VTI1B: variants seen among roughly 807,000 people sequenced by gnomAD.
The protein encoded by VTI1B is vesicle transport through interaction with t-SNAREs 1B.
VTI1B carries 18 observed loss-of-function variants against 28.6 expected under a neutral mutation model. The observed-to-expected ratio is 0.63, with a 90% CI of 0.43 to 0.93. The LOEUF (loss-of-function observed/expected upper bound fraction) is 0.93, where lower values mean the gene tolerates loss of function less well. VTI1B is among the 40% of genes least tolerant of loss of function. VTI1B has a pLI of 0.00. For synonymous variants in VTI1B, 100 were observed against 107.9 expected, an observed-to-expected ratio of 0.93 and a Z score of 0.46; for missense variants, 283 against 297.0, an observed-to-expected ratio of 0.95 and a Z score of 0.35.
chr14:67,648,427 CAATTA>C lies in VTI1B; in HGVS notation c.*2953_*2957del, dbSNP rs1342827934. 2 of 335,352 alleles carry C rather than the reference CAATTA, an allele frequency of 6.0e-6. No homozygotes were observed. The highest frequency in any genetic ancestry group is 1.1e-5 in the Non-Finnish European group (2 of 186,090). 20.8% of individuals were successfully genotyped at this position (335,352 alleles called of 1,614,324 possible). A position where few individuals can be genotyped will look rare whatever the true frequency, so the allele number is the denominator to read the frequency against. Reference sequence around the variant, plus strand: ...ATGAGTAAAAAATTGTATATTTAAACAATTAAATACAAGAATAAATTGTCAAACTG... The same window carrying C: ...ATGAGTAAAAAATTGTATATTTAAACAATACAAGAATAAATTGTCAAACTG... On this transcript the variant is annotated 3_prime_UTR_variant, in exon 6 of 6. Coordinates refer to ENST00000554659, the MANE Select transcript of VTI1B (RefSeq NM_006370.3).
intron 1 of VTI1B, among the ~76,000 whole-genome samples, chr14:67,671,494 C>G (rs1031323669): frequency 1.3e-5 from 2 of 151,908 alleles, no homozygotes; most frequent in African/African-American, 2.4e-5. Flanking sequence ...CCACTGCACT[C>G]CAGCCTGGGC....
intron 3 of VTI1B, chr14:67,657,080 T>C (rs764322815): frequency 6.6e-6 from 1 of 152,470 alleles, no homozygotes; most frequent in Non-Finnish European, 1.5e-5. Flanking sequence ...GGACCATGAA[T>C]AAGCTATTCT....
At chr14:67,669,436 C>CTT (rs562106281) in intron 1 of VTI1B, among the ~76,000 whole-genome samples, 86 of 144,738 alleles carry the variant, frequency 5.9e-4, no homozygotes, top group African/African-American at 1.7e-3. Context: ...CACTACTCAG[C>CTT]TTTTTTTTTT....
In VTI1B at chr14:67,650,947, C is replaced by T. The variant is rs1268794524; in HGVS notation, c.*438G>A. On this transcript the variant is annotated 3_prime_UTR_variant, in exon 6 of 6. Transcript: ENST00000554659. ...AGACACTGTGCACTGACATGTTTCA[C>T]AACAGGCATTCCAGAATTATGAGGC... 2.5e-6 allele frequency: 4 copies of T among 1,603,082 alleles called. No homozygotes were observed. The highest frequency in any genetic ancestry group is 2.2e-5 in the South Asian group (2 of 90,668).
At chr14:67,665,483 G>C (rs1049082526) in intron 1 of VTI1B, among the ~76,000 whole-genome samples, 4 of 151,782 alleles carry the variant, frequency 2.6e-5, no homozygotes. Context: ...TGCCTAAGCT[G>C]GTCTTGACTC....
At position 67,651,262 on chromosome 14, in the gene VTI1B, G is replaced by T; in HGVS notation, c.*123C>A. On this transcript the variant is annotated 3_prime_UTR_variant, in exon 6 of 6. Coordinates refer to ENST00000554659, the MANE Select transcript of VTI1B (RefSeq NM_006370.3). ...TCTTTCCTCCCTCCTCCCACAGCCT[G>T]GCTATACAGTGCATCCTTGAACTGT... The T allele has an allele frequency of 6.4e-7, 1 of 1,568,708 alleles. No homozygotes were observed. The highest frequency in any genetic ancestry group is 8.6e-7 in the Non-Finnish European group (1 of 1,158,204).
chr14:67,648,220 T>A lies in VTI1B; in HGVS notation c.*3165A>T. 3 of 1,590,264 alleles carry A rather than the reference T, an allele frequency of 1.9e-6. No individual in the cohort carries two copies. Among genetic ancestry groups the A allele is most frequent in the Non-Finnish European group, 2.6e-6 (3 of 1,163,854 alleles). On this transcript the variant is annotated 3_prime_UTR_variant, in exon 6 of 6. Coordinates refer to ENST00000554659, the MANE Select transcript of VTI1B (RefSeq NM_006370.3). ...CCAGGTCTGCAGCCTGTTAACTACATAGGTAAATATGCTAGAGTCTCTTGC... is the reference window on the plus strand; with the variant it reads ...CCAGGTCTGCAGCCTGTTAACTACAAAGGTAAATATGCTAGAGTCTCTTGC...
chr14:67,668,442 A>T (rs1472048150), intron 1 of VTI1B, among the ~76,000 whole-genome samples: 1 of 152,234 alleles, frequency 6.6e-6, no homozygotes, highest in African/African-American at 2.4e-5. Flanking sequence ...GCAGAAAGTG[A>T]ATGGAGACTG....
rs745739391 is a variant in VTI1B at position 67,647,871 on chromosome 14, C to T, written c.*3514G>A. ...AGTGGTATGTAGGAAGTTAATATTG[C>T]CAATCTCAGTAACTTCCAAGAATAG... On this transcript the variant is annotated 3_prime_UTR_variant, in exon 6 of 6. Coordinates refer to ENST00000554659, the MANE Select transcript of VTI1B (RefSeq NM_006370.3). The T allele has an allele frequency of 6.2e-6, 4 of 645,714 alleles. No homozygotes were observed. Among genetic ancestry groups the T allele is most frequent in the Non-Finnish European group, 1.0e-5 (4 of 383,978 alleles). The allele number at this position is 645,714 out of a possible 1,614,324, so 40.0% of individuals were successfully genotyped here. A position where few individuals can be genotyped will look rare whatever the true frequency, so the allele number is the denominator to read the frequency against.
At chr14:67,657,083 G>C (rs2037267837) in intron 3 of VTI1B, 1 of 152,398 alleles carries the variant, frequency 6.6e-6, no homozygotes, top group Admixed American at 6.5e-5. Flanking sequence ...CCATGAATAA[G>C]CTATTCTGTT....
intron 1 of VTI1B, among the ~76,000 whole-genome samples, chr14:67,665,508 T>C (rs1260383352): frequency 1.3e-5 from 2 of 151,906 alleles, no homozygotes; most frequent in African/African-American, 4.8e-5. Context: ...GCTCAGGCAA[T>C]CCTCGACCTC....
intron 4 of VTI1B, among the ~76,000 whole-genome samples, chr14:67,655,854 CT>C (rs2037248548): frequency 6.6e-6 from 1 of 152,168 alleles, no homozygotes; most frequent in Middle Eastern, 3.4e-3. Flanking sequence ...GTCCTTCCAT[CT>C]TTTTTTCCCC....
chr14:67,670,642 C>T lies in VTI1B; in HGVS notation c.115+3733G>A, dbSNP rs373574964. On this transcript the variant is annotated intron_variant, in intron 1 of 5. Transcript: ENST00000554659. ...CCCCTGGGTTTAATCGATTCTCCTG[C>T]CTCAGCCTCCTGAGTAGCTGGGACT... 3.0e-4 allele frequency among the ~76,000 whole-genome samples: 46 copies of T among 152,156 alleles called. 1 individual carries two copies. Among genetic ancestry groups the T allele is most frequent in the African/African-American group, 1.1e-3 (45 of 41,516 alleles).
chr14:67,666,736 G>A (rs564889141), intron 1 of VTI1B, among the ~76,000 whole-genome samples: 11 of 152,276 alleles, frequency 7.2e-5, no homozygotes, highest in African/African-American at 2.6e-4. Context: ...GAGAAACTGA[G>A]TGCCTGCCCC....
In VTI1B at chr14:67,651,395, C is replaced by G; in HGVS notation, c.689G>C (p.Arg230Pro). The G allele has an allele frequency of 6.2e-7, 1 of 1,613,680 alleles. No individual in the cohort carries two copies. ...CTTCCCTATAGAAGTTCAATGGCTG[C>G]GAAAGAATTTGTAGTAAACCAGGCC... is the stretch of plus-strand genomic sequence containing the variant. ...LGGLVYYKFF[R>P]SH Residue 230 changes from arginine to proline, a missense_variant, in exon 6 of 6, where the codon CGC becomes CCC. Transcript: ENST00000554659.
intron 1 of VTI1B, among the ~76,000 whole-genome samples, chr14:67,663,444 C>T (rs932731231): frequency 9.2e-5 from 14 of 151,988 alleles, no homozygotes; most frequent in African/African-American, 3.4e-4. Context: ...GAGGCCGAGG[C>T]GGGCGGATCA....
Position 67,651,015 on chromosome 14 carries a change from A to G in VTI1B, c.*370T>C. The G allele has an allele frequency of 7.8e-7, 1 of 1,277,216 alleles. No individual in the cohort carries two copies. Among genetic ancestry groups the G allele is most frequent in the Non-Finnish European group, 1.1e-6 (1 of 904,608 alleles). 79.1% of individuals were successfully genotyped at this position (1,277,216 alleles called of 1,614,324 possible). On this transcript the variant is annotated 3_prime_UTR_variant, in exon 6 of 6. Coordinates refer to ENST00000554659, the MANE Select transcript of VTI1B (RefSeq NM_006370.3). Reference sequence around the variant, plus strand: ...ATACTAAATGGTTGTCTGGGTCAATACTGCCTTAATGAGAACATTTACACA... The same window carrying G: ...ATACTAAATGGTTGTCTGGGTCAATGCTGCCTTAATGAGAACATTTACACA...
intron 3 of VTI1B, among the ~76,000 whole-genome samples, chr14:67,657,625 C>CACACAG (rs2037278342): frequency 7.3e-6 from 1 of 136,836 alleles, no homozygotes; most frequent in Non-Finnish European, 1.5e-5. Context: ...CACACACACC[C>CACACAG]AAAATCAAAA....
intron 4 of VTI1B, 119 bp downstream of exon 4, chr14:67,656,296 TA>T: frequency 1.0e-6 from 1 of 991,786 alleles, no homozygotes. Flanking sequence ...CATAAGAACT[TA>T]AAAAAGACTA....
Sources: allele counts gnomAD v4.1 joint callset (sites outside exome capture counted in the v4.1 genomes callset), GRCh38; gene constraint gnomAD v4.1.1; transcripts MANE v1.5; gene names NCBI Gene and HGNC (gene_info 2026-07-23, HGNC 2026-07-21).